CSNK1A1: variants seen among roughly 807,000 people sequenced by gnomAD.
CSNK1A1 encodes casein kinase 1 alpha 1.
In CSNK1A1, 7 loss-of-function variants were observed where a neutral mutation model predicts 46.1. The observed-to-expected ratio is 0.15, with a 90% CI of 0.09 to 0.29. The LOEUF is 0.29. Among genes scored for constraint, CSNK1A1 ranks in the 10% least tolerant of loss-of-function variants. The pLI, the probability that CSNK1A1 is intolerant of heterozygous loss-of-function variation, is 1.00. For missense variants in CSNK1A1, 96 were observed against 417.1 expected (o/e 0.23, Z 6.71); for synonymous variants, 137 against 141.5 (o/e 0.97, Z 0.23).
In CSNK1A1 at chr5:149,530,309, A is replaced by C. The variant is rs1444737714; in HGVS notation, c.231-5138T>G. Among the ~76,000 whole-genome samples the C allele has an allele frequency of 2.6e-5, 4 of 152,038 alleles. No individual in the cohort carries two copies. The East Asian group carries it at 5.8e-4, about 22-fold the overall frequency. Reference sequence around the variant, plus strand: ...AAGGAAAACAAAACAAGAAATGCAAAAACACTCCCTGCACTCCAAGTGAAG... The same window carrying C: ...AAGGAAAACAAAACAAGAAATGCAACAACACTCCCTGCACTCCAAGTGAAG... On this transcript the variant is annotated intron_variant, in intron 2 of 9. Transcript: ENST00000377843.
chr5:149,510,985 T>C (rs1761205261), intron 6 of CSNK1A1, among the ~76,000 whole-genome samples: 1 of 152,108 alleles, frequency 6.6e-6, no homozygotes, highest in East Asian at 1.9e-4. Flanking sequence ...ACTCAATAAA[T>C]ACAGGTATTC....
intron 9 of CSNK1A1, among the ~76,000 whole-genome samples, chr5:149,499,715 CAA>C (rs943648444): frequency 6.6e-6 from 1 of 151,680 alleles, no homozygotes; most frequent in African/African-American, 2.4e-5. Flanking sequence ...AGCCTCCCCA[CAA>C]AGTGTGTATC....
At chr5:149,505,210 GATATAA>G in intron 9 of CSNK1A1, 1 of 1,161,720 alleles carries the variant, frequency 8.6e-7, no homozygotes, top group Non-Finnish European at 1.1e-6. Flanking sequence ...CAAGAGAAAT[GATATAA>G]ATATACACAC....
intron 2 of CSNK1A1, among the ~76,000 whole-genome samples, chr5:149,534,208 G>A (rs536769810): frequency 5.9e-5 from 9 of 152,110 alleles, no homozygotes; most frequent in Non-Finnish European, 1.2e-4. Flanking sequence ...CTGGCCAGGC[G>A]CGGTGGCTCA....
chr5:149,527,445 T>G (rs1310863654), intron 2 of CSNK1A1, among the ~76,000 whole-genome samples: 1 of 152,156 alleles, frequency 6.6e-6, no homozygotes, highest in Non-Finnish European at 1.5e-5. Flanking sequence ...AGTTTTGTCC[T>G]TATTGCTTAA....
Position 149,546,184 on chromosome 5 carries a change from G to A in CSNK1A1, c.230+3891C>T, listed in dbSNP as rs376194004. On this transcript the variant is annotated intron_variant, in intron 2 of 9. Transcript: ENST00000377843. The stretch of plus-strand genomic sequence containing the variant: ...CCCAAAGTGCTGGGATTACAGGCGT[G>A]AGCCATGGCGCCCGGCTTATCCTTG... Among the ~76,000 whole-genome samples the A allele has an allele frequency of 1.5e-4, 23 of 151,794 alleles. No homozygotes were observed. In the East Asian group the frequency reaches 4.5e-3, roughly 30 times the overall value.
chr5:149,537,069 T>C (rs549480265), intron 2 of CSNK1A1, among the ~76,000 whole-genome samples: 2 of 152,274 alleles, frequency 1.3e-5, no homozygotes, highest in Non-Finnish European at 2.9e-5. Context: ...GGGATTATTA[T>C]TCTTATTACA....
chr5:149,549,565 G>A (rs972708327), intron 2 of CSNK1A1: 3 of 697,648 alleles, frequency 4.3e-6, no homozygotes, highest in Admixed American at 2.0e-5. Flanking sequence ...TGAGAAAAGG[G>A]CAGGAATATG....
At chr5:149,511,321 GC>G (rs1163998393) in intron 6 of CSNK1A1, among the ~76,000 whole-genome samples, 1 of 147,834 alleles carries the variant, frequency 6.8e-6, no homozygotes, top group Non-Finnish European at 1.5e-5. Flanking sequence ...CATTCCCCAT[GC>G]CCCCACCCCC....
chr5:149,536,297 C>T (rs889681265), intron 2 of CSNK1A1, among the ~76,000 whole-genome samples: 2 of 152,120 alleles, frequency 1.3e-5, no homozygotes. Context: ...TAAGTTAGCA[C>T]TTGTATTACA....
At chr5:149,515,072 G>C (rs1761358914) in intron 4 of CSNK1A1, among the ~76,000 whole-genome samples, 1 of 152,196 alleles carries the variant, frequency 6.6e-6, no homozygotes, top group Non-Finnish European at 1.5e-5. Flanking sequence ...TGATGATTAA[G>C]TTCTGCAGAT....
chr5:149,549,996 T>C, intron 2 of CSNK1A1, 79 bp downstream of exon 2: 1 of 1,513,110 alleles, frequency 6.6e-7, no homozygotes, highest in Non-Finnish European at 8.9e-7. Flanking sequence ...CGGATTCAGC[T>C]GGTCTCATTA....
chr5:149,504,138 G>A (rs1760955956), intron 9 of CSNK1A1: 1 of 985,436 alleles, frequency 1.0e-6, no homozygotes, highest in Non-Finnish European at 1.2e-6. Flanking sequence ...CAGAGGCAGA[G>A]CACTGTGTGA....
At chr5:149,528,794 T>C (rs1391681136) in intron 2 of CSNK1A1, among the ~76,000 whole-genome samples, 1 of 152,208 alleles carries the variant, frequency 6.6e-6, no homozygotes, top group African/African-American at 2.4e-5. Flanking sequence ...CTATACCTGG[T>C]AGGATAGAGC....
At chr5:149,509,680 A>G (rs1761154035) in intron 7 of CSNK1A1, among the ~76,000 whole-genome samples, 199 bp downstream of exon 7, 1 of 152,078 alleles carries the variant, frequency 6.6e-6, no homozygotes, top group South Asian at 2.1e-4. Flanking sequence ...CTGGGATTGC[A>G]GGCTTGAGCC....
intron 2 of CSNK1A1, among the ~76,000 whole-genome samples, chr5:149,531,732 A>T (rs1291834659): frequency 1.3e-5 from 2 of 150,256 alleles, no homozygotes; most frequent in African/African-American, 4.9e-5. Context: ...TTAGCCGCAC[A>T]TGGTGGTGGG....
At position 149,517,776 on chromosome 5, in the gene CSNK1A1, T is replaced by C. The variant is rs372048674; in HGVS notation, c.456+2514A>G. 1 of 1,506,408 alleles carries C rather than the reference T, an allele frequency of 6.6e-7. No homozygotes were observed. The allele number at this position is 1,506,408 out of a possible 1,614,324, so 93.3% of individuals were successfully genotyped here. On this transcript the variant is annotated intron_variant, in intron 4 of 9. Transcript: ENST00000377843. The surrounding 1 kb of genome is among the most constrained non-coding windows in gnomAD (Gnocchi z 4.4). ...CATGAATTTGGGATTGAGGTTGGAA[T>C]AGGAGACAGTTTCAGACCTGGTTTA... is the stretch of plus-strand genomic sequence containing the variant.
intron 6 of CSNK1A1, among the ~76,000 whole-genome samples, chr5:149,510,938 C>T (rs188005173): frequency 3.6e-3 from 549 of 152,172 alleles, no homozygotes; most frequent in Non-Finnish European, 6.1e-3. Context: ...ATAAAGCTAC[C>T]CACCCAAGGA....
Position 149,513,092 on chromosome 5 carries a change from C to T in CSNK1A1, c.574G>A (p.Ala192Thr). ...TGTARYASIN[A>T]HLGIEQSRRD... ...TACCTCTGCTCAATACCAAGATGTG[C>T]ATTGATGCTAGCATATCGGGCAGTG... The change falls in exon 5 of 10, where the codon GCA (alanine) becomes ACA (threonine). Residue 192 changes from alanine (A) to threonine (T), a missense_variant. Transcript: ENST00000377843. 6.2e-7 allele frequency: 1 copy of T among 1,614,060 alleles called. No individual in the cohort carries two copies. The highest frequency in any genetic ancestry group is 8.5e-7 in the Non-Finnish European group (1 of 1,179,960).
Sources: allele counts gnomAD v4.1 joint callset (sites outside exome capture counted in the v4.1 genomes callset), GRCh38; gene constraint gnomAD v4.1.1; non-coding constraint Gnocchi (gnomAD v3.1); transcripts MANE v1.5; gene names NCBI Gene and HGNC (gene_info 2026-07-23, HGNC 2026-07-21).